The following PRKACB variants were observed in gnomAD, a reference collection of about 807,000 sequenced individuals.
PRKACB encodes the protein protein kinase cAMP-activated catalytic subunit beta, also known as cAMP-dependent protein kinase catalytic subunit beta.
PRKACB carries 16 observed loss-of-function variants against 51.4 expected under a neutral mutation model. The observed-to-expected ratio is 0.31, with a 90% CI of 0.21 to 0.47. PRKACB has a LOEUF of 0.47. Ranked by LOEUF, PRKACB falls within the 20% of genes least tolerant of loss-of-function variation. The pLI, the probability that PRKACB is intolerant of heterozygous loss-of-function variation, is 1.00. For missense variants in PRKACB, 309 were observed against 464.5 expected (o/e 0.67, Z 3.08); for synonymous variants, 147 against 154.4 (o/e 0.95, Z 0.35).
intron 8 of PRKACB, among the ~76,000 whole-genome samples, chr1:84,210,960 G>A (rs1055242382): frequency 6.6e-6 from 1 of 152,128 alleles, no homozygotes; most frequent in Non-Finnish European, 1.5e-5. Context: ...CTTTAAATAT[G>A]TGATGGATTC....
chr1:84,124,448 G>C (rs1005336041), intron 1 of PRKACB, among the ~76,000 whole-genome samples: 1 of 152,194 alleles, frequency 6.6e-6, no homozygotes, highest in Non-Finnish European at 1.5e-5. Flanking sequence ...ATTATCTGAA[G>C]AGTGAGGTTT....
At position 84,214,337 on chromosome 1, in the gene PRKACB, T is replaced by C; in HGVS notation, c.1071+20T>C. 2 of 1,539,952 alleles carry C rather than the reference T, an allele frequency of 1.3e-6. No individual in the cohort carries two copies. Among genetic ancestry groups the C allele is most frequent in the Non-Finnish European group, 1.7e-6 (2 of 1,144,920 alleles). On this transcript the variant is annotated intron_variant, in intron 9 of 9. Transcript: ENST00000370685. ...AGGAAGGTGAGACTTTCTTTTTTAA[T>C]TTAAAAGCTTTTTTAAAGTTGGTGT...
At chr1:84,184,186 A>G (rs750310860) in intron 4 of PRKACB, 51 bp downstream of exon 4, 1 of 1,479,188 alleles carries the variant, frequency 6.8e-7, no homozygotes, top group South Asian at 1.3e-5. Context: ...AATTTTTTTT[A>G]AGATGAAACT....
chr1:84,179,317 C>T (rs977650342), intron 2 of PRKACB, 79 bp downstream of exon 2: 12 of 1,409,782 alleles, frequency 8.5e-6, no homozygotes, highest in Non-Finnish European at 1.1e-5. Context: ...AAATTTATTA[C>T]TTTAGAAATT....
At chr1:84,217,626 C>T (rs1673070816) in intron 9 of PRKACB, among the ~76,000 whole-genome samples, 1 of 152,132 alleles carries the variant, frequency 6.6e-6, no homozygotes, top group Non-Finnish European at 1.5e-5. Context: ...GACATCATCT[C>T]TTCAGAAAAT....
At chr1:84,151,273 C>G (rs749314981) in intron 1 of PRKACB, among the ~76,000 whole-genome samples, 4 of 152,140 alleles carry the variant, frequency 2.6e-5, no homozygotes, top group African/African-American at 4.8e-5. Flanking sequence ...TTTAAAAGTA[C>G]ATATCTTAAT....
chr1:84,225,389 C>T (rs1287677351), intron 9 of PRKACB, among the ~76,000 whole-genome samples: 1 of 152,120 alleles, frequency 6.6e-6, no homozygotes, highest in Non-Finnish European at 1.5e-5. Flanking sequence ...GCCCCAGAAA[C>T]AGCCTTCCCT....
At chr1:84,157,388 A>G (rs1381733435) in intron 1 of PRKACB, 2 of 152,088 alleles carry the variant, frequency 1.3e-5, no homozygotes, top group Non-Finnish European at 2.9e-5. Flanking sequence ...GCATTTGACA[A>G]CTTTTTTTTT....
upstream of PRKACB, among the ~76,000 whole-genome samples, chr1:84,142,983 T>C (rs988132131): frequency 3.9e-5 from 6 of 152,152 alleles, no homozygotes; most frequent in African/African-American, 7.2e-5. Flanking sequence ...CCTTTTTCTT[T>C]CTTTCCTTTC....
rs1210212867 is a variant in PRKACB at position 84,235,400 on chromosome 1, T to C, written c.*95T>C. On this transcript the variant is annotated 3_prime_UTR_variant, in exon 10 of 10. Transcript: ENST00000370685. ...GACCGTCCTTGTTGAAGCAGTTACC[T>C]AGTTCCTTCATTCCAACGACTGAGT... 2 of 1,516,500 alleles carry C rather than the reference T, an allele frequency of 1.3e-6. No individual in the cohort carries two copies. The highest frequency in any genetic ancestry group is 1.8e-6 in the Non-Finnish European group (2 of 1,109,938). The allele number at this position is 1,516,500 out of a possible 1,614,324, so 93.9% of individuals were successfully genotyped here.
chr1:84,121,994 G>A (rs141733178), intron 1 of PRKACB, among the ~76,000 whole-genome samples: 91 of 152,068 alleles, frequency 6.0e-4, no homozygotes, highest in African/African-American at 2.0e-3. Flanking sequence ...TGTACATTTG[G>A]TGAGTCCCCC....
intron 9 of PRKACB, among the ~76,000 whole-genome samples, chr1:84,231,553 G>C (rs577733662): frequency 6.6e-6 from 1 of 152,214 alleles, no homozygotes; most frequent in East Asian, 1.9e-4. Flanking sequence ...TCTGGTCCTG[G>C]ACTCTTTTTG....
Position 84,123,544 on chromosome 1 carries a change from A to C in PRKACB, c.46+45173A>C, listed in dbSNP as rs531144882. 2.6e-5 allele frequency among the ~76,000 whole-genome samples: 4 copies of C among 152,130 alleles called. No homozygotes were observed. The South Asian group carries it at 6.2e-4, about 24-fold the overall frequency. On this transcript the variant is annotated intron_variant, in intron 1 of 8. Transcript: ENST00000370688. ...TATATATTGCCATTTATTAAAAAAA[A>C]GAATTTGGGAAGGCTTAAAACTTTT...
chr1:84,162,207 T>G (rs530803641), intron 1 of PRKACB, among the ~76,000 whole-genome samples: 1 of 152,200 alleles, frequency 6.6e-6, no homozygotes, highest in East Asian at 1.9e-4. Flanking sequence ...TTTCTCTTGC[T>G]GCTTTCATGA....
intron 9 of PRKACB, among the ~76,000 whole-genome samples, chr1:84,231,398 T>C (rs2101697980): frequency 1.3e-5 from 2 of 152,348 alleles, no homozygotes; most frequent in South Asian, 4.1e-4. Context: ...TGGTTGTGTC[T>C]CTGCCTGGCT....
At chr1:84,179,105 C>A in intron 1 of PRKACB, 72 bp from the exon 2 acceptor site, 1 of 1,424,156 alleles carries the variant, frequency 7.0e-7, no homozygotes, top group South Asian at 1.4e-5. Context: ...AAACCATATG[C>A]AATATAAATA....
chr1:84,234,507 C>T (rs948894231), intron 9 of PRKACB, among the ~76,000 whole-genome samples: 2 of 152,262 alleles, frequency 1.3e-5, no homozygotes, highest in African/African-American at 2.4e-5. Context: ...GCGCCCCTCC[C>T]CCAGCCTCAC....
At chr1:84,197,697 A>G (rs1367226814) in intron 6 of PRKACB, 32 bp from the exon 7 acceptor site, 1 of 1,437,166 alleles carries the variant, frequency 7.0e-7, no homozygotes, top group Non-Finnish European at 9.7e-7. Context: ...GAGGTAATAC[A>G]TTTTCACTAG....
chr1:84,114,516 A>G (rs1362456957), intron 1 of PRKACB, among the ~76,000 whole-genome samples: 1 of 152,022 alleles, frequency 6.6e-6, no homozygotes, highest in Admixed American at 6.6e-5. Context: ...TATTACATGT[A>G]TGTAATTTAT....
Sources: gnomAD v4.1 joint callset for allele counts (sites outside exome capture counted in the v4.1 genomes callset) on GRCh38, gnomAD v4.1.1 for gene constraint, MANE v1.5 for transcripts, NCBI Gene and HGNC (gene_info 2026-07-23, HGNC 2026-07-21) for gene names.